Variants in HRK observed in about 807,000 individuals in gnomAD.
HRK encodes the protein harakiri, BCL2 interacting protein.
In HRK, 6 loss-of-function variants were observed where a neutral mutation model predicts 5.9. That is an observed-to-expected ratio of 1.02 (90% CI 0.56 to 2.01). The LOEUF is 2.01. Ranked by LOEUF, HRK falls within the 30% of genes most tolerant of loss-of-function variation. The pLI is 0.00. For synonymous variants in HRK, 85 were observed against 65.1 expected (o/e 1.31, Z -1.47); for missense variants, 133 against 128.3 (o/e 1.04, Z -0.18).
At chr12:116,868,279 G>A (rs1878620374) in intron 1 of HRK, among the ~76,000 whole-genome samples, 1 of 122,494 alleles carries the variant, frequency 8.2e-6, no homozygotes, top group Non-Finnish European at 1.7e-5. Flanking sequence ...TTTAAGTGTT[G>A]GGAGAAAACC....
At chr12:116,864,349 A>G (rs1250298505) in intron 1 of HRK, among the ~76,000 whole-genome samples, 1 of 152,230 alleles carries the variant, frequency 6.6e-6, no homozygotes, top group Non-Finnish European at 1.5e-5. Flanking sequence ...TCCGCACCAG[A>G]TAAGGCCAGG....
chr12:116,868,109 C>G (rs1270684704), intron 1 of HRK, among the ~76,000 whole-genome samples: 1 of 142,700 alleles, frequency 7.0e-6, no homozygotes, highest in Non-Finnish European at 1.5e-5. Flanking sequence ...GAAATACAGG[C>G]TTCTACCTGA....
Position 116,881,047 on chromosome 12 carries a change from G to A in HRK, c.261C>T (p.Gly87=). ...CCCCGCGTTCCTACAAGTTCCGCCT[G>A]CCGAGCAGCCAGGCCGCCAGCGCCG... ...QVAALAAWLL[G]RRNL Residue 87 remains glycine, a synonymous_variant, in exon 1 of 2, where the codon GGC becomes GGT. Coordinates refer to ENST00000257572, the MANE Select transcript of HRK (RefSeq NM_003806.4). 1 of 1,357,196 alleles carries A rather than the reference G, an allele frequency of 7.4e-7. No individual in the cohort carries two copies. The highest frequency in any genetic ancestry group is 3.1e-5 in the East Asian group (1 of 32,236). 84.1% of individuals were successfully genotyped at this position (1,357,196 alleles called of 1,614,324 possible). A position where few individuals can be genotyped will look rare whatever the true frequency, so the allele number is the denominator to read the frequency against.
In HRK at chr12:116,862,174, A is replaced by G. The variant is rs543371059; in HGVS notation, c.*57-708T>C. ...GCTGACTATTGAAGAGTGCCAGGAAACTAACCAGGATAAGAAAATGAGGCA... is the reference window on the plus strand; with the variant it reads ...GCTGACTATTGAAGAGTGCCAGGAAGCTAACCAGGATAAGAAAATGAGGCA... On this transcript the variant is annotated intron_variant, in intron 1 of 1. Transcript: ENST00000257572. This position sits in a 1 kb window ranked among gnomAD's most constrained non-coding sequence, Gnocchi z 4.0. Among the ~76,000 whole-genome samples the G allele has an allele frequency of 6.6e-6, 1 of 152,332 alleles. No homozygotes were observed. Among genetic ancestry groups the G allele is most frequent in the East Asian group, 1.9e-4 (1 of 5,186 alleles).
intron 1 of HRK, among the ~76,000 whole-genome samples, chr12:116,861,851 C>A (rs997065851): frequency 6.6e-6 from 1 of 152,198 alleles, no homozygotes; most frequent in Non-Finnish European, 1.5e-5. Context: ...ATTTCATAGA[C>A]CCAGATTCAA....
At position 116,862,708 on chromosome 12, in the gene HRK, TTTTGTTTGTTTGTTTGTTTG is replaced by T. The variant is rs141619738; in HGVS notation, c.*57-1262_*57-1243del. Among the ~76,000 whole-genome samples the T allele has an allele frequency of 9.9e-5, 15 of 150,908 alleles. No individual in the cohort carries two copies. Among genetic ancestry groups the T allele is most frequent in the Middle Eastern group, 3.4e-3 (1 of 294 alleles). On this transcript the variant is annotated intron_variant, in intron 1 of 1. Transcript: ENST00000257572. This position sits in a 1 kb window ranked among gnomAD's most constrained non-coding sequence, Gnocchi z 4.0. ...TTGTACACCTTAAAAAGGTAGGGTTTTTTGTTTGTTTGTTTGTTTGTTTGTTTGTTTGTTTGTTTTTGAGA... is the reference window on the plus strand; with the variant it reads ...TTGTACACCTTAAAAAGGTAGGGTTTTTTGTTTGTTTGTTTGTTTTTGAGA...
In HRK at chr12:116,859,642, T is replaced by TTTA. The variant is rs1284152518; in HGVS notation, c.*1880_*1881insTAA. The TTTA allele has an allele frequency of 2.0e-5, 3 of 151,408 alleles. No homozygotes were observed. The highest frequency in any genetic ancestry group is 4.4e-5 in the Non-Finnish European group (3 of 67,774). 9.4% of individuals were successfully genotyped at this position (151,408 alleles called of 1,614,324 possible). A position where few individuals can be genotyped will look rare whatever the true frequency, so the allele number is the denominator to read the frequency against. ...CCCAAAATAAGCATTATTCTTCTTTTTTTTTTTTTGGTTTGCTGAGTTCAA... is the reference window on the plus strand; with the variant it reads ...CCCAAAATAAGCATTATTCTTCTTTTTTATTTTTTTTTGGTTTGCTGAGTTCAA... On this transcript the variant is annotated 3_prime_UTR_variant, in exon 2 of 2. Transcript: ENST00000257572.
In HRK at chr12:116,868,248, G is replaced by A. The variant is rs191819449; in HGVS notation, c.*57-6782C>T. On this transcript the variant is annotated intron_variant, in intron 1 of 1. Transcript: ENST00000257572. ...GGGCACTACAGGAACATGCCACCAC[G>A]CCTGGCTAAAATGCCTGACTTTTAA... is the stretch of plus-strand genomic sequence containing the variant. Among the ~76,000 whole-genome samples, 423 of 151,502 alleles carry A rather than the reference G, an allele frequency of 2.8e-3. 2 individuals carry two copies. The highest frequency in any genetic ancestry group is 9.7e-3 in the African/African-American group (401 of 41,216).
At chr12:116,875,629 C>G (rs546203074) in intron 1 of HRK, among the ~76,000 whole-genome samples, 1 of 152,106 alleles carries the variant, frequency 6.6e-6, no homozygotes, top group Non-Finnish European at 1.5e-5. Context: ...CTGCAACCTC[C>G]GCCTCCTGGG....
chr12:116,872,832 G>A (rs1291461126), intron 1 of HRK, among the ~76,000 whole-genome samples: 7 of 148,018 alleles, frequency 4.7e-5, no homozygotes, highest in Non-Finnish European at 1.0e-4. Context: ...GGAAGAAGGA[G>A]GGACGGAAGG....
rs918299539 is a variant in HRK at position 116,881,337 on chromosome 12, C to G, written c.-30G>C. 2.3e-4 allele frequency: 240 copies of G among 1,055,754 alleles called. 1 individual carries two copies. Among genetic ancestry groups the G allele is most frequent in the Non-Finnish European group, 2.5e-4 (215 of 877,348 alleles). The allele number at this position is 1,055,754 out of a possible 1,614,324, so 65.4% of individuals were successfully genotyped here. ...GCTGGCCTCGCTCCCGCCCCGCGCTCGGGCCGCCCCTCGCCTCCTCTCCCT... is the reference window on the plus strand; with the variant it reads ...GCTGGCCTCGCTCCCGCCCCGCGCTGGGGCCGCCCCTCGCCTCCTCTCCCT... On this transcript the variant is annotated 5_prime_UTR_variant, in exon 1 of 2. Transcript: ENST00000257572.
Position 116,870,846 on chromosome 12 carries a change from G to A in HRK, c.*57-9380C>T, listed in dbSNP as rs1018163551. ...ACATGAATGAGATATGGGAGCCAACGGCAGTGTTTCCAGATCTTGACATGA... is the reference window on the plus strand; with the variant it reads ...ACATGAATGAGATATGGGAGCCAACAGCAGTGTTTCCAGATCTTGACATGA... On this transcript the variant is annotated intron_variant, in intron 1 of 1. Coordinates refer to ENST00000257572, the MANE Select transcript of HRK (RefSeq NM_003806.4). Among the ~76,000 whole-genome samples, 3 of 152,128 alleles carry A rather than the reference G, an allele frequency of 2.0e-5. No individual in the cohort carries two copies. In the East Asian group the frequency reaches 5.8e-4, roughly 29 times the overall value.
intron 1 of HRK, among the ~76,000 whole-genome samples, chr12:116,875,065 C>G (rs1878882009): frequency 2.0e-5 from 3 of 152,078 alleles, no homozygotes; most frequent in Admixed American, 6.6e-5. Flanking sequence ...AAAAATAACA[C>G]AAGTATAAAA....
chr12:116,864,315 T>C (rs1162939343), intron 1 of HRK, among the ~76,000 whole-genome samples: 1 of 152,158 alleles, frequency 6.6e-6, no homozygotes, highest in East Asian at 1.9e-4. Flanking sequence ...ATTGAGTGTG[T>C]GGACATCGTG....
intron 1 of HRK, among the ~76,000 whole-genome samples, chr12:116,876,334 A>T (rs1593010491): frequency 6.6e-6 from 1 of 152,366 alleles, no homozygotes; most frequent in South Asian, 2.1e-4. Flanking sequence ...TAATTCTGGC[A>T]GGGGTGCTGC....
chr12:116,871,421 G>A (rs375306362), intron 1 of HRK, among the ~76,000 whole-genome samples: 1 of 151,664 alleles, frequency 6.6e-6, no homozygotes, highest in African/African-American at 2.4e-5. Context: ...TCTTGCCTCA[G>A]CCTCCCAAGT....
intron 1 of HRK, among the ~76,000 whole-genome samples, chr12:116,864,573 T>G (rs1226206915): frequency 6.6e-6 from 1 of 152,098 alleles, no homozygotes; most frequent in Non-Finnish European, 1.5e-5. Context: ...GAAGCGTGGC[T>G]TAGGTGGGGG....
intron 1 of HRK, among the ~76,000 whole-genome samples, chr12:116,867,458 A>G (rs1878587838): frequency 6.6e-6 from 1 of 152,144 alleles, no homozygotes; most frequent in Admixed American, 6.5e-5. Flanking sequence ...AAAATTTTTA[A>G]TTAGCCAATT....
In HRK at chr12:116,862,081, T is replaced by C. The variant is rs908580577; in HGVS notation, c.*57-615A>G. ...ATGCAGTCTGGGGAAACGTGGTCTA[T>C]AGGAGCCCAGGGGAGGCAGCTCATA... On this transcript the variant is annotated intron_variant, in intron 1 of 1. Coordinates refer to ENST00000257572, the MANE Select transcript of HRK (RefSeq NM_003806.4). This position sits in a 1 kb window ranked among gnomAD's most constrained non-coding sequence, Gnocchi z 4.0. Among the ~76,000 whole-genome samples the C allele has an allele frequency of 1.3e-5, 2 of 152,286 alleles. No homozygotes were observed. The highest frequency in any genetic ancestry group is 2.1e-4 in the South Asian group (1 of 4,830).
Sources: gnomAD v4.1 joint callset for allele counts (sites outside exome capture counted in the v4.1 genomes callset) on GRCh38, gnomAD v4.1.1 for gene constraint, Gnocchi (gnomAD v3.1) non-coding constraint, MANE v1.5 for transcripts, NCBI Gene and HGNC (gene_info 2026-07-23, HGNC 2026-07-21) for gene names.